Variants in ACSS3 observed in about 807,000 individuals in gnomAD.
The protein encoded by ACSS3 is acyl-CoA synthetase short chain family member 3, also known as acyl-CoA synthetase short-chain family member 3, mitochondrial.
A neutral mutation model predicts 84.2 loss-of-function variants in ACSS3; 64 were observed. The ratio of observed to expected loss-of-function variants is 0.76; its 90% confidence interval spans 0.62 to 0.94. The LOEUF is 0.94. ACSS3 is among the 40% of genes least tolerant of loss of function. The pLI, the probability that ACSS3 is intolerant of heterozygous loss-of-function variation, is 0.00. For synonymous variants in ACSS3, 317 were observed against 310.1 expected (o/e 1.02, Z -0.23); for missense variants, 815 against 867.6 (o/e 0.94, Z 0.76).
In ACSS3 at chr12:81,177,589, T is replaced by G. The variant is rs541379113; in HGVS notation, c.1250+2650T>G. Reference sequence around the variant, plus strand: ...TCTGACAAAGGGCTAATATCCAGAATCTACAATGAACTCAAACAAATTTAC... The same window carrying G: ...TCTGACAAAGGGCTAATATCCAGAAGCTACAATGAACTCAAACAAATTTAC... On this transcript the variant is annotated intron_variant, in intron 8 of 15. Transcript: ENST00000548058. 1.1e-4 allele frequency among the ~76,000 whole-genome samples: 17 copies of G among 152,076 alleles called. No homozygotes were observed. The South Asian group carries it at 2.3e-3, about 20-fold the overall frequency.
chr12:81,102,862 C>A (rs954868458), intron 1 of ACSS3, among the ~76,000 whole-genome samples: 2 of 151,824 alleles, frequency 1.3e-5, no homozygotes, highest in African/African-American at 2.4e-5. Context: ...GAGTCATCTG[C>A]ATTGAGAGGA....
intron 4 of ACSS3, among the ~76,000 whole-genome samples, chr12:81,139,797 G>A (rs1189542166): frequency 2.0e-5 from 3 of 151,386 alleles, no homozygotes; most frequent in African/African-American, 7.3e-5. Flanking sequence ...CACCACACCC[G>A]GCTAATTTTT....
In ACSS3 at chr12:81,151,861, T is replaced by C; in HGVS notation, c.939T>C (p.Thr313=). Residue 313 remains threonine (T), a synonymous_variant, in exon 6 of 16, where the codon ACT becomes ACC. Coordinates refer to ENST00000548058, the MANE Select transcript of ACSS3 (RefSeq NM_024560.4). ...TGLPKGVIRP[T]GGYAVMLHWS... ...CTCCTTAGGGTGTGATTAGGCCCAC[T>C]GGGGGATACGCTGTCATGCTACACT... 1.9e-6 allele frequency: 3 copies of C among 1,613,724 alleles called. No homozygotes were observed. The highest frequency in any genetic ancestry group is 2.5e-6 in the Non-Finnish European group (3 of 1,179,766).
At chr12:81,192,565 G>T (rs2031628281) in intron 8 of ACSS3, among the ~76,000 whole-genome samples, 1 of 152,168 alleles carries the variant, frequency 6.6e-6, no homozygotes, top group Non-Finnish European at 1.5e-5. Flanking sequence ...ATTTGAGAGG[G>T]TTGGTTTCTT....
At position 81,151,830 on chromosome 12, in the gene ACSS3, T is replaced by G. The variant is rs761289999; in HGVS notation, c.922-14T>G. The G allele has an allele frequency of 6.2e-7, 1 of 1,606,282 alleles. No individual in the cohort carries two copies. The highest frequency in any genetic ancestry group is 1.1e-5 in the South Asian group (1 of 88,980). ...ATTGTTTATTGATTTTAATTTCACT[T>G]TTTCTCTCCTTAGGGTGTGATTAGG... is the stretch of plus-strand genomic sequence containing the variant. On this transcript the variant is annotated splice_polypyrimidine_tract_variant and intron_variant, in intron 5 of 15. Transcript: ENST00000548058.
intron 11 of ACSS3, among the ~76,000 whole-genome samples, chr12:81,228,342 C>T (rs2033339803): frequency 1.3e-5 from 2 of 151,780 alleles, no homozygotes; most frequent in Admixed American, 1.3e-4. Context: ...TAAACTTACT[C>T]AGACCTTTCT....
chr12:81,082,831 A>ATCCCCT (rs1275408417), intron 1 of ACSS3, among the ~76,000 whole-genome samples: 1 of 152,344 alleles, frequency 6.6e-6, no homozygotes, highest in African/African-American at 2.4e-5. Context: ...CAAAATTAGA[A>ATCCCCT]TCATGACGGT....
Position 81,172,366 on chromosome 12 carries a change from A to G in ACSS3, c.1099-2422A>G, listed in dbSNP as rs554918113. ...TAAAAGAGCAGACAAAATTTTGCCT[A>G]TCACAGCAAGTTTACACTGATGTGT... On this transcript the variant is annotated intron_variant, in intron 7 of 15. Coordinates refer to ENST00000548058, the MANE Select transcript of ACSS3 (RefSeq NM_024560.4). Among the ~76,000 whole-genome samples the G allele has an allele frequency of 1.8e-4, 27 of 151,670 alleles. No individual in the cohort carries two copies. The South Asian group carries it at 5.0e-3, about 28-fold the overall frequency.
chr12:81,082,209 C>A (rs1466090946), intron 1 of ACSS3, among the ~76,000 whole-genome samples: 3 of 152,170 alleles, frequency 2.0e-5, no homozygotes, highest in African/African-American at 7.2e-5. Context: ...CGACCCTGGC[C>A]TCCTCTCTCC....
chr12:81,105,406 T>C (rs1452178601), intron 1 of ACSS3, among the ~76,000 whole-genome samples: 1 of 152,118 alleles, frequency 6.6e-6, no homozygotes, highest in South Asian at 2.1e-4. Context: ...AAAGAATCAA[T>C]TGAACTGGAG....
At chr12:81,253,806 T>C in intron 15 of ACSS3, 136 bp downstream of exon 15, 1 of 873,274 alleles carries the variant, frequency 1.1e-6, no homozygotes, top group Non-Finnish European at 1.7e-6. Flanking sequence ...TATTTTTTAA[T>C]GTTAAGGGAG....
At chr12:81,126,119 C>T (rs562906661) in intron 2 of ACSS3, among the ~76,000 whole-genome samples, 1 of 152,216 alleles carries the variant, frequency 6.6e-6, no homozygotes, top group Non-Finnish European at 1.5e-5. Flanking sequence ...TTCTTCATGC[C>T]TTTCCAGTTC....
chr12:81,233,181 A>G (rs2033522200), intron 12 of ACSS3, among the ~76,000 whole-genome samples, 168 bp from the exon 13 acceptor site: 1 of 151,850 alleles, frequency 6.6e-6, no homozygotes, highest in Non-Finnish European at 1.5e-5. Context: ...AAGAGATTCT[A>G]GTACAGTTTC....
At chr12:81,236,553 A>G (rs974713983) in intron 13 of ACSS3, among the ~76,000 whole-genome samples, 1 of 151,316 alleles carries the variant, frequency 6.6e-6, no homozygotes, top group Non-Finnish European at 1.5e-5. Context: ...GTTCATATGG[A>G]CAGCATCTAT....
chr12:81,207,350 A>G (rs2135917375), intron 9 of ACSS3, among the ~76,000 whole-genome samples: 1 of 152,296 alleles, frequency 6.6e-6, no homozygotes, highest in Non-Finnish European at 1.5e-5. Flanking sequence ...GGAAAACAGC[A>G]GGTGGCTATT....
chr12:81,206,938 G>T (rs2135916298), intron 9 of ACSS3, among the ~76,000 whole-genome samples: 1 of 152,108 alleles, frequency 6.6e-6, no homozygotes, highest in South Asian at 2.1e-4. Flanking sequence ...AATGTAAAAA[G>T]AACATCATTT....
intron 10 of ACSS3, among the ~76,000 whole-genome samples, chr12:81,219,480 C>A (rs1446534517): frequency 6.6e-6 from 1 of 152,012 alleles, no homozygotes; most frequent in African/African-American, 2.4e-5. Flanking sequence ...GCTTTAATCT[C>A]CTAAACTCTT....
At chr12:81,158,328 A>G (rs1032733639) in intron 7 of ACSS3, 6 of 153,710 alleles carry the variant, frequency 3.9e-5, no homozygotes, top group African/African-American at 1.4e-4. Flanking sequence ...CTAATCCCTT[A>G]TCTCCTGACA....
chr12:81,254,964 A>T lies in ACSS3; in HGVS notation c.*42A>T. 1 of 1,428,978 alleles carries T rather than the reference A, an allele frequency of 7.0e-7. No homozygotes were observed. Among genetic ancestry groups the T allele is most frequent in the Non-Finnish European group, 9.5e-7 (1 of 1,047,286 alleles). The allele number at this position is 1,428,978 out of a possible 1,614,324, so 88.5% of individuals were successfully genotyped here. A position where few individuals can be genotyped will look rare whatever the true frequency, so the allele number is the denominator to read the frequency against. On this transcript the variant is annotated 3_prime_UTR_variant, in exon 16 of 16. Transcript: ENST00000548058. ...CTATTTTGAGTTGATTTAATTTCTT[A>T]ATTGAAATTAAATTATTTGAGTTGT...
Sources: allele counts gnomAD v4.1 joint callset (sites outside exome capture counted in the v4.1 genomes callset), GRCh38; gene constraint gnomAD v4.1.1; transcripts MANE v1.5; gene names NCBI Gene and HGNC (gene_info 2026-07-23, HGNC 2026-07-21).